The following HEATR1 variants were observed in gnomAD, a reference collection of about 807,000 sequenced individuals.
The protein encoded by HEATR1 is HEAT repeat-containing protein 1.
HEATR1 carries 77 observed loss-of-function variants against 248.2 expected under a neutral mutation model. That is an observed-to-expected ratio of 0.31 (90% CI 0.26 to 0.37). HEATR1 has a LOEUF of 0.37. Among genes scored for constraint, HEATR1 ranks in the 10% least tolerant of loss-of-function variants. The pLI is 1.00. For synonymous variants in HEATR1, 897 were observed against 923.1 expected, an observed-to-expected ratio of 0.97 and a Z score of 0.51; for missense variants, 2,420 against 2,504.9, an observed-to-expected ratio of 0.97 and a Z score of 0.72.
chr1:236,583,160 C>CT lies in HEATR1; in HGVS notation c.2277dup (p.Asp760ArgfsTer45). The stretch of plus-strand genomic sequence containing the variant: ...CACAGCTCCACTGGGATCCCTCTGT[C>CT]TAACATCAGTTCAATGTGCCATTCT... On this transcript the variant is annotated frameshift_variant, in exon 18 of 45. Transcript: ENST00000366582. LOFTEE classifies it high-confidence loss of function. The CT allele has an allele frequency of 6.2e-7, 1 of 1,610,410 alleles. No homozygotes were observed.
Position 236,588,001 on chromosome 1 carries a change from G to C in HEATR1, c.1573C>G (p.Arg525Gly). The change falls in exon 13 of 45, where the codon CGA (arginine) becomes GGA (glycine). Residue 525 changes from arginine to glycine, a missense_variant. Transcript: ENST00000366582. The part of the protein sequence containing the change: ...ESFIKEAVLA[R>G]LGDDNIDVVL... ...ACATCTATATTATCATCACCTAATCGGGCTAAAACAGCTTCTTTTATGAAA... is the reference window on the plus strand; with the variant it reads ...ACATCTATATTATCATCACCTAATCCGGCTAAAACAGCTTCTTTTATGAAA... The C allele has an allele frequency of 6.2e-7, 1 of 1,611,802 alleles. No individual in the cohort carries two copies.
At chr1:236,571,955 A>G (rs1663440005) in intron 26 of HEATR1, among the ~76,000 whole-genome samples, 1 of 152,180 alleles carries the variant, frequency 6.6e-6, no homozygotes, top group African/African-American at 2.4e-5. Flanking sequence ...GACAACCTTC[A>G]GAATTACTTT....
At chr1:236,582,708 G>A in intron 19 of HEATR1, 28 bp downstream of exon 19, 1 of 1,612,604 alleles carries the variant, frequency 6.2e-7, no homozygotes, top group South Asian at 1.1e-5. Context: ...TAAGGGTAGA[G>A]TACGCCTGAA....
intron 2 of HEATR1, 142 bp downstream of exon 2, chr1:236,603,812 C>T: frequency 1.1e-6 from 1 of 885,296 alleles, no homozygotes; most frequent in South Asian, 1.6e-5. Context: ...TGTTCTCTTT[C>T]CCTTAAAAAT....
rs1470411902 is a variant in HEATR1 at position 236,588,010 on chromosome 1, C to T, written c.1564G>A (p.Val522Ile). ...GVDESFIKEA[V>I]LARLGDDNID... Reference sequence around the variant, plus strand: ...TTATCATCACCTAATCGGGCTAAAACAGCTTCTTTTATGAAAGATTCATCA... The same window carrying T: ...TTATCATCACCTAATCGGGCTAAAATAGCTTCTTTTATGAAAGATTCATCA... Residue 522 changes from valine (V) to isoleucine (I), a missense_variant, in exon 13 of 45, where the codon GTT becomes ATT. Coordinates refer to ENST00000366582, the MANE Select transcript of HEATR1 (RefSeq NM_018072.6). The T allele has an allele frequency of 6.2e-7, 1 of 1,612,502 alleles. No individual in the cohort carries two copies. The highest frequency in any genetic ancestry group is 2.2e-5 in the East Asian group (1 of 44,726).
At position 236,565,910 on chromosome 1, in the gene HEATR1, T is replaced by G. The variant is rs1483636083; in HGVS notation, c.4435+9A>C. On this transcript the variant is annotated intron_variant, in intron 31 of 44. Coordinates refer to ENST00000366582, the MANE Select transcript of HEATR1 (RefSeq NM_018072.6). ...ATTGAACAGTAAGTGACACCCGATC[T>G]ACGCTTACCTTCTTTTTCCTCTGGC... The G allele has an allele frequency of 1.4e-5, 23 of 1,611,334 alleles. No homozygotes were observed. The highest frequency in any genetic ancestry group is 2.0e-5 in the Non-Finnish European group (23 of 1,178,850).
intron 42 of HEATR1, among the ~76,000 whole-genome samples, chr1:236,554,358 C>T (rs769503662): frequency 1.3e-5 from 2 of 152,220 alleles, no homozygotes; most frequent in Non-Finnish European, 2.9e-5. Flanking sequence ...CACCACTGCA[C>T]TCCAGCCTGG....
rs144454146 is a variant in HEATR1, at chr1:236,576,833, G to T, written c.2872C>A (p.His958Asn). The T allele has an allele frequency of 4.3e-6, 7 of 1,613,878 alleles. No homozygotes were observed. The highest frequency in any genetic ancestry group is 1.3e-5 in the African/African-American group (1 of 74,918). Residue 958 changes from histidine (H) to asparagine (N), a missense_variant, in exon 21 of 45, where the codon CAT (histidine) becomes AAT (asparagine). Coordinates refer to ENST00000366582, the MANE Select transcript of HEATR1 (RefSeq NM_018072.6). ...ATCTCCTCTGCTTTAGAAATCAAAT[G>T]ATCTATTATCAGATAAAACGGGGAT... ...VASPFYLIID[H>N]LISKAEEITS...
In HEATR1 at chr1:236,586,837, C is replaced by T. The variant is rs556441117; in HGVS notation, c.1716-385G>A. Among the ~76,000 whole-genome samples, 6 of 151,966 alleles carry T rather than the reference C, an allele frequency of 3.9e-5. No individual in the cohort carries two copies. In the South Asian group the frequency reaches 1.2e-3, roughly 32 times the overall value. On this transcript the variant is annotated intron_variant, in intron 14 of 44. Transcript: ENST00000366582. ...TCAACTCTACCGGAAATCAGGTTCA[C>T]TCAGGCACTCAAAAAAAATGAACCA...
chr1:236,594,211 A>AAC (rs1204770973), intron 8 of HEATR1, 97 bp from the exon 9 acceptor site: 1 of 684,434 alleles, frequency 1.5e-6, no homozygotes, highest in Non-Finnish European at 2.5e-6. Context: ...CTCAGAATAA[A>AAC]ACACACACAC....
chr1:236,559,624 C>T (rs962897917), intron 34 of HEATR1, 90 bp downstream of exon 34: 6 of 1,380,332 alleles, frequency 4.3e-6, no homozygotes, highest in Non-Finnish European at 5.8e-6. Context: ...AAAGGAATTG[C>T]TAAGTTTATT....
chr1:236,603,993 C>T lies in HEATR1; in HGVS notation c.103G>A (p.Glu35Lys). The T allele has an allele frequency of 6.2e-7, 1 of 1,600,036 alleles. No individual in the cohort carries two copies. The highest frequency in any genetic ancestry group is 1.7e-4 in the Middle Eastern group (1 of 6,014). Residue 35 changes from glutamate (E) to lysine (K), a missense_variant, in exon 2 of 45, where the codon GAA (glutamate) becomes AAA (lysine). Physicochemically the swap from Glu to Lys is moderately conservative, Grantham distance 56 (BLOSUM62 1). Coordinates refer to ENST00000366582, the MANE Select transcript of HEATR1 (RefSeq NM_018072.6). ...EVASLLFDPK[E>K]AATIDRDTAF... is the part of the protein sequence containing the mutation. ...GTGTCCCTGTCGATTGTGGCCGCTT[C>T]CTTAGGGTCAAATAACAAAGAAGCA... is the stretch of plus-strand genomic sequence containing the variant.
At chr1:236,560,840 A>G (rs1222686457) in intron 33 of HEATR1, among the ~76,000 whole-genome samples, 2 of 152,252 alleles carry the variant, frequency 1.3e-5, no homozygotes, top group Non-Finnish European at 2.9e-5. Flanking sequence ...AACTCAATAC[A>G]ATACACAGAC....
chr1:236,561,160 T>C, intron 33 of HEATR1, 65 bp downstream of exon 33: 1 of 1,146,116 alleles, frequency 8.7e-7, no homozygotes. Flanking sequence ...GTACTGTTTT[T>C]CCAGGTTTTC....
chr1:236,560,441 G>A (rs1286615209), intron 33 of HEATR1, among the ~76,000 whole-genome samples: 1 of 152,176 alleles, frequency 6.6e-6, no homozygotes. Context: ...AGCCTGAGGG[G>A]GGAGCTAGAG....
chr1:236,591,957 C>A, intron 11 of HEATR1, 36 bp downstream of exon 11: 1 of 1,304,904 alleles, frequency 7.7e-7, no homozygotes, highest in Non-Finnish European at 1.1e-6. Context: ...ACAAATGTAC[C>A]CCAAATTGTC....
chr1:236,556,161 G>A lies in HEATR1; in HGVS notation c.5453C>T (p.Ala1818Val), dbSNP rs1325980331. The A allele has an allele frequency of 6.2e-7, 1 of 1,614,090 alleles. No homozygotes were observed. The highest frequency in any genetic ancestry group is 8.5e-7 in the Non-Finnish European group (1 of 1,180,028). Residue 1818 changes from alanine (A) to valine (V), a missense_variant, in exon 38 of 45, where the codon GCA becomes GTA. Coordinates refer to ENST00000366582, the MANE Select transcript of HEATR1 (RefSeq NM_018072.6). The stretch of plus-strand genomic sequence containing the variant: ...GATGGCGGGCAACAGGACTCGGGGT[G>A]CAAGTGTGGTAGCCAGTGTCTTTTT... ...SLKKTLATTL[A>V]PRVLLPAIKK... is the part of the protein sequence containing the mutation.
At chr1:236,574,158 C>T (rs1663503848) in intron 24 of HEATR1, 44 bp downstream of exon 24, 3 of 1,552,076 alleles carry the variant, frequency 1.9e-6, no homozygotes, top group Non-Finnish European at 2.6e-6. Context: ...TTGGAAGAGA[C>T]TATAAACATT....
Position 236,559,710 on chromosome 1 carries a change from C to T in HEATR1, c.4770+4G>A. On this transcript the variant is annotated splice_donor_region_variant and intron_variant, in intron 34 of 44. Coordinates refer to ENST00000366582, the MANE Select transcript of HEATR1 (RefSeq NM_018072.6). ...AGTAATTCCAGGGAGAAATGAACAC[C>T]TACCTTATCTAACAGGTCGTAAGCT... is the stretch of plus-strand genomic sequence containing the variant. 1 of 1,604,246 alleles carries T rather than the reference C, an allele frequency of 6.2e-7. No individual in the cohort carries two copies. The highest frequency in any genetic ancestry group is 8.5e-7 in the Non-Finnish European group (1 of 1,174,594).
Sources: gnomAD v4.1 joint callset for allele counts (sites outside exome capture counted in the v4.1 genomes callset) on GRCh38, gnomAD v4.1.1 for gene constraint, MANE v1.5 for transcripts, NCBI Gene and HGNC (gene_info 2026-07-23, HGNC 2026-07-21) for gene names.